The following ADCY9 variants were observed in gnomAD, a reference collection of about 807,000 sequenced individuals.
ADCY9 encodes the protein adenylate cyclase 9.
Under a neutral mutation model 101.5 loss-of-function variants are expected in ADCY9, and 50 were observed. The observed-to-expected ratio is 0.49, with a 90% CI of 0.39 to 0.62. The LOEUF is 0.62. Among genes scored for constraint, ADCY9 ranks in the 20% least tolerant of loss-of-function variants. The probability of loss-of-function intolerance (pLI) is 0.00; values close to 1 mark genes in which losing one functional copy is unlikely to be tolerated. For synonymous variants in ADCY9, 905 were observed against 769.3 expected, an observed-to-expected ratio of 1.18 and a Z score of -2.92; for missense variants, 1,662 against 1,800.4, an observed-to-expected ratio of 0.92 and a Z score of 1.39.
At chr16:4,036,465 T>TG (rs1452764689) in intron 2 of ADCY9, among the ~76,000 whole-genome samples, 185 of 134,418 alleles carry the variant, frequency 1.4e-3, no homozygotes, top group East Asian at 5.5e-3. Flanking sequence ...TTTGTTTGTT[T>TG]TTTTTTTTTT....
chr16:4,052,158 T>C (rs2056705804), intron 2 of ADCY9, among the ~76,000 whole-genome samples: 1 of 152,160 alleles, frequency 6.6e-6, no homozygotes, highest in Non-Finnish European at 1.5e-5. Context: ...CCGAGGGACA[T>C]TCTACAAAGT....
chr16:3,986,754 G>A (rs1424899337), intron 6 of ADCY9, among the ~76,000 whole-genome samples: 2 of 152,046 alleles, frequency 1.3e-5, no homozygotes, highest in Non-Finnish European at 1.5e-5. Context: ...CACCGCGCCC[G>A]GCCATGTTTT....
In ADCY9 at chr16:3,963,372, C is replaced by T. The variant is rs750751396; in HGVS notation, c.*2403G>A. ...CTGCCAACAGACAAGAGATGCACGG[C>T]GTTTCCGCTGCAGAGATTCTGTGGT... On this transcript the variant is annotated 3_prime_UTR_variant, in exon 11 of 11. Transcript: ENST00000294016. 19 of 398,676 alleles carry T rather than the reference C, an allele frequency of 4.8e-5. No individual in the cohort carries two copies. The highest frequency in any genetic ancestry group is 6.2e-5 in the Non-Finnish European group (14 of 225,988). 24.7% of individuals were successfully genotyped at this position (398,676 alleles called of 1,614,324 possible).
chr16:3,979,910 GAC>G (rs1459862121), intron 7 of ADCY9, among the ~76,000 whole-genome samples: 12 of 152,284 alleles, frequency 7.9e-5, no homozygotes, highest in Non-Finnish European at 1.5e-4. Flanking sequence ...TGGTGGTGCT[GAC>G]ACACCCTGGA....
chr16:4,020,266 G>A (rs1323991399), intron 2 of ADCY9, among the ~76,000 whole-genome samples: 1 of 152,126 alleles, frequency 6.6e-6, no homozygotes, highest in Non-Finnish European at 1.5e-5. Flanking sequence ...ACAGCTACAT[G>A]AGGCTGGCAG....
intron 2 of ADCY9, among the ~76,000 whole-genome samples, chr16:4,038,936 T>C (rs2056608408): frequency 1.3e-5 from 2 of 152,118 alleles, no homozygotes. Context: ...CTCCATTATA[T>C]TATCACCCCA....
intron 2 of ADCY9, among the ~76,000 whole-genome samples, chr16:4,068,477 T>C (rs772228570): frequency 4.6e-5 from 7 of 152,084 alleles, no homozygotes; most frequent in Non-Finnish European, 8.8e-5. Flanking sequence ...TTATGGAAAA[T>C]GAGATCATGT....
In ADCY9 at chr16:4,071,659, C is replaced by G. The variant is rs1327682606; in HGVS notation, c.1693+42091G>C. ...ACCATTGTTTGTGAGTTTTTATTAT[C>G]TGCCTACAATTTGGGCTAATCCTGA... On this transcript the variant is annotated intron_variant, in intron 2 of 10. Transcript: ENST00000294016. 2.6e-5 allele frequency among the ~76,000 whole-genome samples: 4 copies of G among 152,170 alleles called. No homozygotes were observed. The East Asian group carries it at 7.7e-4, about 29-fold the overall frequency.
chr16:4,061,701 C>T (rs1303824625), intron 2 of ADCY9, among the ~76,000 whole-genome samples: 1 of 151,992 alleles, frequency 6.6e-6, no homozygotes, highest in Admixed American at 6.6e-5. Flanking sequence ...ACCCTACTTA[C>T]AAGAAATACT....
At chr16:4,083,114 G>A (rs575210519) in intron 2 of ADCY9, among the ~76,000 whole-genome samples, 10 of 152,238 alleles carry the variant, frequency 6.6e-5, no homozygotes, top group African/African-American at 1.9e-4. Context: ...ATCAACCCTG[G>A]AACTGCCATA....
rs79048557 is a variant in ADCY9 at position 3,977,290 on chromosome 16, T to G, written c.2828+192A>C. ...TGTTCTAAATGATATTCTTTTTCTT[T>G]CTTTTGCATATTACTCTGAGGGCAT... On this transcript the variant is annotated intron_variant, in intron 9 of 10. Coordinates refer to ENST00000294016, the MANE Select transcript of ADCY9 (RefSeq NM_001116.4). 9.0e-3 allele frequency among the ~76,000 whole-genome samples: 1,377 copies of G among 152,362 alleles called. 16 individuals carry two copies. The highest frequency in any genetic ancestry group is 0.056 in the East Asian group (289 of 5,188).
rs1439974261 is a variant in ADCY9, at chr16:4,114,508, T to C, written c.935A>G (p.Lys312Arg). Reference protein sequence around the residue: ...SQVRSRSTFLKVGQSIMHGKD... With the variant: ...SQVRSRSTFLRVGQSIMHGKD... ...CCCGTGCATAATGGATTGCCCCACC[T>C]TGAGGAAGGTGCTCCTGGACCTCAC... The change falls in exon 2 of 11, where the codon AAG (lysine) becomes AGG (arginine). Residue 312 changes from lysine (K) to arginine (R), a missense_variant. Physicochemically the swap from Lys to Arg is conservative, Grantham distance 26. Around this residue, in one of 5 missense-constraint regions of ADCY9, gnomAD observed 228 missense variants for 301.1 expected, o/e 0.76. Coordinates refer to ENST00000294016, the MANE Select transcript of ADCY9 (RefSeq NM_001116.4). The surrounding 1 kb of genome is among the most constrained non-coding windows in gnomAD (Gnocchi z 4.3). 2 of 1,614,072 alleles carry C rather than the reference T, an allele frequency of 1.2e-6. No homozygotes were observed. Among genetic ancestry groups the C allele is most frequent in the Admixed American group, 1.7e-5 (1 of 60,008 alleles).
At chr16:3,993,610 G>C (rs2056264726) in intron 3 of ADCY9, 100 bp from the exon 4 acceptor site, 1 of 1,462,346 alleles carries the variant, frequency 6.8e-7, no homozygotes, top group South Asian at 1.2e-5. Context: ...CACGCAGCAT[G>C]GTGGTGAGCA....
chr16:3,986,544 G>T (rs1428306621), intron 6 of ADCY9, among the ~76,000 whole-genome samples: 1 of 152,082 alleles, frequency 6.6e-6, no homozygotes, highest in Non-Finnish European at 1.5e-5. Flanking sequence ...TGCAACCTCC[G>T]CCTCCCGGGT....
chr16:4,100,085 T>C lies in ADCY9; in HGVS notation c.1693+13665A>G, dbSNP rs530990686. On this transcript the variant is annotated intron_variant, in intron 2 of 10. Transcript: ENST00000294016. The stretch of plus-strand genomic sequence containing the variant: ...AGGGGACTAGATCATGGGGGTGGTT[T>C]CCCCCATGCTGTTCTCGTGAGAGTG... Among the ~76,000 whole-genome samples the C allele has an allele frequency of 3.3e-5, 5 of 152,124 alleles. No individual in the cohort carries two copies. The South Asian group carries it at 6.2e-4, about 19-fold the overall frequency.
chr16:3,966,152 C>T lies in ADCY9; in HGVS notation c.3685G>A (p.Val1229Met), dbSNP rs141452008. 35 of 1,614,120 alleles carry T rather than the reference C, an allele frequency of 2.2e-5. No homozygotes were observed. Among genetic ancestry groups the T allele is most frequent in the African/African-American group, 2.7e-5 (2 of 74,936 alleles). ...ATCTGGCCTTTCCCCTTGACATTCA[C>T]GGTCCCTCTGTAGTCGAAGTCATAG... ...MGYDFDYRGT[V>M]NVKGKGQMKT... The change falls in exon 11 of 11, where the codon GTG (valine) becomes ATG (methionine). Residue 1229 changes from valine to methionine, a missense_variant. Around this residue, in one of 5 missense-constraint regions of ADCY9, gnomAD observed 220 missense variants for 312.9 expected, o/e 0.70. Transcript: ENST00000294016.
chr16:4,017,936 C>A (rs1174785994), intron 2 of ADCY9, among the ~76,000 whole-genome samples: 1 of 152,226 alleles, frequency 6.6e-6, no homozygotes, highest in Non-Finnish European at 1.5e-5. Flanking sequence ...GTAGCCCGCA[C>A]AGCATGGTGA....
intron 2 of ADCY9, among the ~76,000 whole-genome samples, chr16:4,014,044 C>T (rs1044029555): frequency 4.7e-4 from 72 of 152,102 alleles, no homozygotes; most frequent in East Asian, 7.7e-4. Flanking sequence ...CCAGGTCAGG[C>T]GCGGTAGCTC....
At chr16:4,020,461 G>C (rs2056467430) in intron 2 of ADCY9, among the ~76,000 whole-genome samples, 1 of 152,150 alleles carries the variant, frequency 6.6e-6, no homozygotes, top group Non-Finnish European at 1.5e-5. Context: ...ATTTATTATA[G>C]ATGACATTTA....
Sources: gnomAD v4.1 joint callset for allele counts (sites outside exome capture counted in the v4.1 genomes callset) on GRCh38, gnomAD v4.1.1 for gene constraint, gnomAD v4.1.1 regional missense constraint, Gnocchi (gnomAD v3.1) non-coding constraint, MANE v1.5 for transcripts, NCBI Gene and HGNC (gene_info 2026-07-23, HGNC 2026-07-21) for gene names.